DDX50: variants seen among roughly 807,000 people sequenced by gnomAD.
DDX50 encodes the protein DExD-box helicase 50, also known as ATP-dependent RNA helicase DDX50.
In DDX50, 56 loss-of-function variants were observed where a neutral mutation model predicts 94.8. That is an observed-to-expected ratio of 0.59 (90% CI 0.48 to 0.74). DDX50 has a LOEUF of 0.74. DDX50 is among the 30% of genes least tolerant of loss of function. The pLI is 0.00. For synonymous variants in DDX50, 264 were observed against 295.4 expected, an observed-to-expected ratio of 0.89 and a Z score of 1.09; for missense variants, 713 against 881.2, an observed-to-expected ratio of 0.81 and a Z score of 2.42.
chr10:68,915,897 TAAA>T (rs2132032299), intron 7 of DDX50, among the ~76,000 whole-genome samples: 1 of 152,274 alleles, frequency 6.6e-6, no homozygotes, highest in Non-Finnish European at 1.5e-5. Flanking sequence ...CAATCAGTGA[TAAA>T]AACCAAATTA....
chr10:68,929,540 C>T (rs1331199137), intron 8 of DDX50, among the ~76,000 whole-genome samples: 1 of 151,570 alleles, frequency 6.6e-6, no homozygotes, highest in Non-Finnish European at 1.5e-5. Context: ...ATTCTGCTGC[C>T]TCAGCCTCCT....
rs552348576 is a variant in DDX50, at chr10:68,913,497, G to A, written c.864G>A (p.Val288=). The change falls in exon 6 of 15, where the codon GTG becomes GTA. Residue 288 remains valine, a synonymous_variant. Transcript: ENST00000373585. ...RLDLSKLRHV[V]LDEVDQMLDL... Reference sequence around the variant, plus strand: ...ATCTTTCTAAACTGCGACATGTTGTGCTTGATGAAGTGGATCAGATGTTAG... The same window carrying A: ...ATCTTTCTAAACTGCGACATGTTGTACTTGATGAAGTGGATCAGATGTTAG... The A allele has an allele frequency of 3.2e-4, 513 of 1,614,098 alleles. 12 individuals carry two copies. In the South Asian group the frequency reaches 5.4e-3, roughly 17 times the overall value.
chr10:68,906,460 C>T (rs571516873), intron 1 of DDX50: 38 of 348,692 alleles, frequency 1.1e-4, no homozygotes, highest in South Asian at 7.9e-4. Flanking sequence ...TTTAATTTTC[C>T]TTAAATCTTA....
intron 2 of DDX50, among the ~76,000 whole-genome samples, chr10:68,908,534 A>T (rs1841530652): frequency 6.6e-6 from 1 of 150,732 alleles, no homozygotes; most frequent in Non-Finnish European, 1.5e-5. Flanking sequence ...TTATGTGCAT[A>T]GAGTGAAGAC....
intron 8 of DDX50, among the ~76,000 whole-genome samples, chr10:68,925,095 G>GTTTTTTTTTTTTTTTTTTT (rs1239190321): frequency 7.0e-5 from 2 of 28,578 alleles, no homozygotes; most frequent in African/African-American, 1.1e-4. Flanking sequence ...CCTGCTCATG[G>GTTTTTTTTTTTTTTTTTTT]TTTTTTTTTT....
rs2132020654 is a variant in DDX50, at chr10:68,906,412, A to G, written c.88-299A>G. 1.5e-5 allele frequency: 4 copies of G among 268,900 alleles called. No homozygotes were observed. The South Asian group carries it at 2.4e-4, about 16-fold the overall frequency. 16.7% of individuals were successfully genotyped at this position (268,900 alleles called of 1,614,324 possible). ...GTTTTTGCTTGTTTAGTAATTTATAATTCTGGGGTTGTCTTTCTTTCCCTG... is the reference window on the plus strand; with the variant it reads ...GTTTTTGCTTGTTTAGTAATTTATAGTTCTGGGGTTGTCTTTCTTTCCCTG... On this transcript the variant is annotated intron_variant, in intron 1 of 14. Coordinates refer to ENST00000373585, the MANE Select transcript of DDX50 (RefSeq NM_024045.2).
intron 1 of DDX50, among the ~76,000 whole-genome samples, chr10:68,904,962 A>C (rs1310882970): frequency 6.6e-6 from 1 of 152,226 alleles, no homozygotes. Flanking sequence ...TATGGTGAAC[A>C]TTTTGGTGGT....
chr10:68,901,507 G>T (rs1482689916), intron 1 of DDX50, 36 bp downstream of exon 1: 3 of 1,544,364 alleles, frequency 1.9e-6, no homozygotes, highest in Non-Finnish European at 2.6e-6. Flanking sequence ...CTTTTGGGCT[G>T]CGCCGGCTTG....
At chr10:68,928,083 A>G (rs1842137009) in intron 8 of DDX50, among the ~76,000 whole-genome samples, 1 of 152,216 alleles carries the variant, frequency 6.6e-6, no homozygotes, top group African/African-American at 2.4e-5. Flanking sequence ...TGGGAAGCCA[A>G]GACAGGAAAA....
intron 7 of DDX50, among the ~76,000 whole-genome samples, chr10:68,917,894 T>A (rs905212634): frequency 1.3e-5 from 2 of 151,854 alleles, no homozygotes; most frequent in African/African-American, 2.4e-5. Context: ...TGAGCCACTG[T>A]ACCTGGCCTC....
intron 8 of DDX50, among the ~76,000 whole-genome samples, chr10:68,920,337 G>T (rs539552618): frequency 6.6e-6 from 1 of 151,944 alleles, no homozygotes; most frequent in South Asian, 2.1e-4. Context: ...CATTTTTTGC[G>T]TATTTTGTAG....
rs372411914 is a variant in DDX50, at chr10:68,934,357, T to G, written c.1398T>G (p.Pro466=). 106 of 1,613,176 alleles carry G rather than the reference T, an allele frequency of 6.6e-5. No individual in the cohort carries two copies. Among genetic ancestry groups the G allele is most frequent in the Non-Finnish European group, 8.5e-5 (100 of 1,179,758 alleles). ...EVDLVIQSSP[P]QDVESYIHRS... ...ACCTGGTGATTCAAAGTTCTCCTCC[T>G]CAGGTAGGAAATGGGATTTGATTTG... The change falls in exon 9 of 15, where the codon CCT becomes CCG. Residue 466 remains proline (P), a synonymous_variant. Coordinates refer to ENST00000373585, the MANE Select transcript of DDX50 (RefSeq NM_024045.2). The surrounding 1 kb of genome is among the most constrained non-coding windows in gnomAD (Gnocchi z 4.0).
At chr10:68,909,083 C>G (rs1841552566) in intron 2 of DDX50, among the ~76,000 whole-genome samples, 1 of 152,180 alleles carries the variant, frequency 6.6e-6, no homozygotes, top group Non-Finnish European at 1.5e-5. Flanking sequence ...ACCTTGGCCT[C>G]CCAAAATGCT....
intron 11 of DDX50, among the ~76,000 whole-genome samples, chr10:68,936,504 AAAAAAAAAAAAATATAT>A (rs1279556486): frequency 5.7e-4 from 27 of 47,772 alleles, no homozygotes; most frequent in African/African-American, 1.9e-3. Flanking sequence ...AAAAAAAAAA[AAAAAAAAAAAAATATAT>A]ATATATATAT....
At chr10:68,901,609 CTG>C in intron 1 of DDX50, 138 bp downstream of exon 1, 2 of 918,762 alleles carry the variant, frequency 2.2e-6, no homozygotes, top group South Asian at 1.8e-5. Context: ...CCTCGGCCCT[CTG>C]GGGTCGCTCA....
intron 8 of DDX50, among the ~76,000 whole-genome samples, chr10:68,933,674 C>G (rs1267281743): frequency 2.0e-5 from 3 of 151,922 alleles, no homozygotes; most frequent in Non-Finnish European, 4.4e-5. Flanking sequence ...TGGCTCACGC[C>G]TGTAATCCCA....
At chr10:68,905,912 CA>C (rs1196441378) in intron 1 of DDX50, among the ~76,000 whole-genome samples, 1 of 152,072 alleles carries the variant, frequency 6.6e-6, no homozygotes, top group African/African-American at 2.4e-5. Flanking sequence ...AACTCTATCT[CA>C]AAAATAAATA....
chr10:68,916,085 G>A (rs1269580920), intron 7 of DDX50, among the ~76,000 whole-genome samples: 2 of 152,198 alleles, frequency 1.3e-5, no homozygotes, highest in Admixed American at 6.5e-5. Flanking sequence ...GCCGGGCGTG[G>A]TAGCTCATGC....
rs574649697 is a variant in DDX50 at position 68,915,739 on chromosome 10, C to T, written c.1089+1535C>T. Reference sequence around the variant, plus strand: ...CAAAAAAAAAAAAAAGAAAAAAGAACTAAAGGTAATATTTACCGTATTTAT... The same window carrying T: ...CAAAAAAAAAAAAAAGAAAAAAGAATTAAAGGTAATATTTACCGTATTTAT... On this transcript the variant is annotated intron_variant, in intron 7 of 14. Transcript: ENST00000373585. Among the ~76,000 whole-genome samples, 279 of 150,214 alleles carry T rather than the reference C, an allele frequency of 1.9e-3. 1 individual carries two copies. Among genetic ancestry groups the T allele is most frequent in the African/African-American group, 6.6e-3 (270 of 40,962 alleles).
Sources: gnomAD v4.1 joint callset for allele counts (sites outside exome capture counted in the v4.1 genomes callset) on GRCh38, gnomAD v4.1.1 for gene constraint, Gnocchi (gnomAD v3.1) non-coding constraint, MANE v1.5 for transcripts, NCBI Gene and HGNC (gene_info 2026-07-23, HGNC 2026-07-21) for gene names.